Variants in IL18R1 observed in about 807,000 individuals in gnomAD.
IL18R1 encodes the protein interleukin 18 receptor 1.
In IL18R1, 40 loss-of-function variants were observed where a neutral mutation model predicts 48.5. That is an observed-to-expected ratio of 0.82 (90% confidence interval 0.64 to 1.07). The LOEUF is 1.07. Among genes scored for constraint, IL18R1 ranks in the 50% least tolerant of loss-of-function variants. The probability of loss-of-function intolerance (pLI) is 0.00; values close to 1 mark genes in which losing one functional copy is unlikely to be tolerated. For missense variants in IL18R1, 596 were observed against 633.7 expected, an observed-to-expected ratio of 0.94 and a Z score of 0.64; for synonymous variants, 232 against 225.9, an observed-to-expected ratio of 1.03 and a Z score of -0.24.
intron 4 of IL18R1, among the ~76,000 whole-genome samples, chr2:102,375,186 G>A (rs1679503675): frequency 6.6e-6 from 1 of 152,186 alleles, no homozygotes; most frequent in South Asian, 2.1e-4. Context: ...GGTCAAGGAT[G>A]GCCATTCAGC....
chr2:102,388,322 G>T (rs747563288), intron 8 of IL18R1, among the ~76,000 whole-genome samples: 2 of 152,178 alleles, frequency 1.3e-5, no homozygotes, highest in Non-Finnish European at 2.9e-5. Flanking sequence ...CAGTCTTAAC[G>T]ACAAGCTTTA....
Position 102,386,849 on chromosome 2 carries a change from G to T in IL18R1, c.810-12G>T. 2 of 1,613,618 alleles carry T rather than the reference G, an allele frequency of 1.2e-6. No homozygotes were observed. Among genetic ancestry groups the T allele is most frequent in the Admixed American group, 1.7e-5 (1 of 59,964 alleles). Reference sequence around the variant, plus strand: ...ACAGAGCCTACTGCTAAATTATTTTGCCCTCTTACAGGACTCCAGAAGGCA... The same window carrying T: ...ACAGAGCCTACTGCTAAATTATTTTTCCCTCTTACAGGACTCCAGAAGGCA... On this transcript the variant is annotated splice_polypyrimidine_tract_variant and intron_variant, in intron 7 of 10. Coordinates refer to ENST00000233957, the MANE Select transcript of IL18R1 (RefSeq NM_003855.5).
chr2:102,390,346 A>G lies in IL18R1; in HGVS notation c.1111+129A>G, dbSNP rs562395917. ...CTGTGGGAGAGGTTTTCTATGGGAA[A>G]TATTGTTCTGCCTGTACCATCCATT... is the stretch of plus-strand genomic sequence containing the variant. On this transcript the variant is annotated intron_variant, in intron 9 of 10. Coordinates refer to ENST00000233957, the MANE Select transcript of IL18R1 (RefSeq NM_003855.5). 4.4e-5 allele frequency: 37 copies of G among 838,970 alleles called. 1 individual carries two copies. In the South Asian group the frequency reaches 6.1e-4, roughly 14 times the overall value. The allele number at this position is 838,970 out of a possible 1,614,324, so 52.0% of individuals were successfully genotyped here.
At chr2:102,384,823 CTT>C in intron 6 of IL18R1, 53 bp from the exon 7 acceptor site, 2 of 1,592,924 alleles carry the variant, frequency 1.3e-6, no homozygotes, top group Non-Finnish European at 1.7e-6. Flanking sequence ...TGTTTTGAAA[CTT>C]TTAAGAAACC....
intron 1 of IL18R1, among the ~76,000 whole-genome samples, chr2:102,359,503 G>A (rs965820317): frequency 6.6e-6 from 1 of 152,142 alleles, no homozygotes; most frequent in Admixed American, 6.5e-5. Flanking sequence ...CTGGACAAAA[G>A]ACATAAAGAG....
intron 1 of IL18R1, among the ~76,000 whole-genome samples, chr2:102,358,540 C>T (rs1678388919): frequency 6.6e-6 from 1 of 152,058 alleles, no homozygotes; most frequent in Non-Finnish European, 1.5e-5. Context: ...TTTAATATGT[C>T]TTAGACACAC....
chr2:102,361,350 T>C (rs1457406369), intron 1 of IL18R1, among the ~76,000 whole-genome samples: 1 of 152,240 alleles, frequency 6.6e-6, no homozygotes, highest in Non-Finnish European at 1.5e-5. Context: ...GATTATTATC[T>C]CTTGGAAATT....
intron 5 of IL18R1, among the ~76,000 whole-genome samples, chr2:102,377,476 G>A (rs747864428): frequency 2.0e-5 from 3 of 152,032 alleles, no homozygotes; most frequent in African/African-American, 7.2e-5. Flanking sequence ...CACCACTCCC[G>A]GCTAATTTTT....
At chr2:102,387,649 T>TCAC (rs1016019238) in intron 8 of IL18R1, among the ~76,000 whole-genome samples, 1 of 152,172 alleles carries the variant, frequency 6.6e-6, no homozygotes, top group Non-Finnish European at 1.5e-5. Context: ...TTTCCAGTTG[T>TCAC]CACTACTCAT....
chr2:102,371,931 C>T (rs756145601), intron 3 of IL18R1, 22 bp from the exon 4 acceptor site: 10 of 1,369,130 alleles, frequency 7.3e-6, no homozygotes, highest in African/African-American at 1.5e-5. Flanking sequence ...TTATAAAATA[C>T]CTTTACACTT....
intron 7 of IL18R1, among the ~76,000 whole-genome samples, chr2:102,385,758 C>T (rs976873384): frequency 6.6e-6 from 1 of 152,324 alleles, no homozygotes; most frequent in Admixed American, 6.5e-5. Context: ...GGTTCATGCC[C>T]ACTACATGTT....
Position 102,356,369 on chromosome 2 carries a change from C to G in IL18R1, c.-60C>G, listed in dbSNP as rs1487578620. On this transcript the variant is annotated 5_prime_UTR_variant, in exon 1 of 11. Coordinates refer to ENST00000233957, the MANE Select transcript of IL18R1 (RefSeq NM_003855.5). ...CTGGCGTGAAGGAGGAGCTGCCGCC[C>G]CCGCCCCAGCCTCGGGGACGCCTCT... 2.0e-6 allele frequency: 2 copies of G among 984,830 alleles called. No individual in the cohort carries two copies. The highest frequency in any genetic ancestry group is 2.4e-6 in the Non-Finnish European group (2 of 829,596). The allele number at this position is 984,830 out of a possible 1,614,324, so 61.0% of individuals were successfully genotyped here. A position where few individuals can be genotyped will look rare whatever the true frequency, so the allele number is the denominator to read the frequency against.
chr2:102,396,547 C>A lies in IL18R1; in HGVS notation c.1287C>A (p.Ile429=). The change falls in exon 11 of 11, where the codon ATC becomes ATA. Residue 429 remains isoleucine, a synonymous_variant. Coordinates refer to ENST00000233957, the MANE Select transcript of IL18R1 (RefSeq NM_003855.5). ...VVPGGAVVDE[I]HSLIEKSRRL... ...CATTTTCAGCTGTTGTTGATGAAATCCACTCACTGATAGAGAAAAGCCGAA... is the reference window on the plus strand; with the variant it reads ...CATTTTCAGCTGTTGTTGATGAAATACACTCACTGATAGAGAAAAGCCGAA... 1 of 1,589,726 alleles carries A rather than the reference C, an allele frequency of 6.3e-7. No homozygotes were observed. Among genetic ancestry groups the A allele is most frequent in the African/African-American group, 1.4e-5 (1 of 73,770 alleles).
At chr2:102,365,345 G>T (rs73006106) in intron 2 of IL18R1, among the ~76,000 whole-genome samples, 2,283 of 152,328 alleles carry the variant, frequency 0.015, 56 homozygotes, top group African/African-American at 0.052. Context: ...TAATAGGGCA[G>T]TCATTAAACC....
intron 6 of IL18R1, among the ~76,000 whole-genome samples, chr2:102,383,453 T>C (rs1234465646): frequency 6.6e-6 from 1 of 152,210 alleles, no homozygotes; most frequent in Non-Finnish European, 1.5e-5. Context: ...TTGTCTTACA[T>C]AGTTTGGAGC....
At position 102,396,746 on chromosome 2, in the gene IL18R1, A is replaced by C; in HGVS notation, c.1486A>C (p.Arg496=). Residue 496 remains arginine, a synonymous_variant, in exon 11 of 11, where the codon AGA becomes CGA. Transcript: ENST00000233957. ...PQSLKLLKSH[R]VLKWKADKSL... is the part of the protein sequence containing the mutation. ...ATCACTAAAGCTTTTGAAATCTCACAGAGTTCTGAAGTGGAAGGCCGATAA... is the reference window on the plus strand; with the variant it reads ...ATCACTAAAGCTTTTGAAATCTCACCGAGTTCTGAAGTGGAAGGCCGATAA... 6.2e-7 allele frequency: 1 copy of C among 1,614,092 alleles called. No homozygotes were observed. Among genetic ancestry groups the C allele is most frequent in the Non-Finnish European group, 8.5e-7 (1 of 1,179,906 alleles).
chr2:102,398,486 A>G lies in IL18R1; in HGVS notation c.*1600A>G, dbSNP rs893856755. 3 of 152,364 alleles carry G rather than the reference A, an allele frequency of 2.0e-5. No individual in the cohort carries two copies. Among genetic ancestry groups the G allele is most frequent in the African/African-American group, 7.2e-5 (3 of 41,478 alleles). 9.4% of individuals were successfully genotyped at this position (152,364 alleles called of 1,614,324 possible). A position where few individuals can be genotyped will look rare whatever the true frequency, so the allele number is the denominator to read the frequency against. On this transcript the variant is annotated 3_prime_UTR_variant, in exon 11 of 11. Transcript: ENST00000233957. ...TGATTTAATGTTTGTAGTGCTTACA[A>G]TTTTGTGTACCAACTGGATGACTAA...
chr2:102,380,770 CT>C (rs1361594161), intron 5 of IL18R1, among the ~76,000 whole-genome samples: 2 of 152,190 alleles, frequency 1.3e-5, no homozygotes, highest in Non-Finnish European at 2.9e-5. Flanking sequence ...TGCTGAGCAC[CT>C]GCAAGTCCCA....
At position 102,385,018 on chromosome 2, in the gene IL18R1, A is replaced by T. The variant is rs11465645; in HGVS notation, c.809+20A>T. On this transcript the variant is annotated intron_variant, in intron 7 of 10. Transcript: ENST00000233957. ...AATTATGTATGTATGTGTAATATATATGTCATGATATATACCATATAACAA... is the reference window on the plus strand; with the variant it reads ...AATTATGTATGTATGTGTAATATATTTGTCATGATATATACCATATAACAA... 1.5e-6 allele frequency: 2 copies of T among 1,324,558 alleles called. No homozygotes were observed. Among genetic ancestry groups the T allele is most frequent in the East Asian group, 4.6e-5 (2 of 43,014 alleles). 82.1% of individuals were successfully genotyped at this position (1,324,558 alleles called of 1,614,324 possible). A position where few individuals can be genotyped will look rare whatever the true frequency, so the allele number is the denominator to read the frequency against.
Sources: allele counts gnomAD v4.1 joint callset (sites outside exome capture counted in the v4.1 genomes callset), GRCh38; gene constraint gnomAD v4.1.1; transcripts MANE v1.5; gene names NCBI Gene and HGNC (gene_info 2026-07-23, HGNC 2026-07-21).